The following PAGE2B variants were observed in gnomAD, a reference collection of about 807,000 sequenced individuals.
The protein encoded by PAGE2B is PAGE family member 2B.
In PAGE2B, 5 loss-of-function variants were observed where a neutral mutation model predicts 7.6. The ratio of observed to expected loss-of-function variants is 0.66; its 90% confidence interval spans 0.34 to 1.38. PAGE2B has a LOEUF of 1.38. Ranked by LOEUF, PAGE2B falls within the 40% of genes most tolerant of loss-of-function variation. The pLI, the probability that PAGE2B is intolerant of heterozygous loss-of-function variation, is 0.04. For synonymous variants in PAGE2B, 29 were observed against 26.7 expected (o/e 1.09, Z -0.27); for missense variants, 70 against 78.4 (o/e 0.89, Z 0.41).
At chrX:55,069,879 G>A in the PAGE2B span, among the ~76,000 whole-genome samples, 7 of 111,457 alleles carry the variant, frequency 6.3e-5, no homozygotes, top group African/African-American at 6.5e-5. Context: ...CTGTGGGATC[G>A]GTGGTGATAT....
chrX:55,074,825 G>A (rs1334007394), upstream of PAGE2B, among the ~76,000 whole-genome samples: 6 of 112,392 alleles, frequency 5.3e-5, no homozygotes, highest in African/African-American at 1.6e-4. Context: ...GTGGGCGGGG[G>A]AAAAAGAAAA....
chrX:55,055,990 G>C, the PAGE2B span, among the ~76,000 whole-genome samples: 1 of 111,159 alleles, frequency 9.0e-6, no homozygotes, highest in Non-Finnish European at 1.9e-5. Flanking sequence ...AGTGATGTTA[G>C]CTGATGTGGA....
the PAGE2B span, among the ~76,000 whole-genome samples, chrX:55,042,653 CAAAAAAAAAAAAAAAAAAAAAAAAA>C: frequency 4.2e-4 from 5 of 11,857 alleles, no homozygotes. Flanking sequence ...GACTCCGTCT[CAAAAAAAAAAAAAAAAAAAAAAAAA>C]AAAAAAAAAG....
At chrX:55,075,671 G>C (rs1435439874) in intron 1 of PAGE2B, among the ~76,000 whole-genome samples, 5 of 111,603 alleles carry the variant, frequency 4.5e-5, no homozygotes. Context: ...AGAGGTGTGG[G>C]GGTGAAATGG....
chrX:55,057,810 A>G, the PAGE2B span, among the ~76,000 whole-genome samples: 27 of 112,049 alleles, frequency 2.4e-4, no homozygotes, highest in East Asian at 6.2e-3. Context: ...AAATGCAATT[A>G]GAATACATCA....
At chrX:55,047,487 C>T in the PAGE2B span, among the ~76,000 whole-genome samples, 7 of 111,494 alleles carry the variant, frequency 6.3e-5, no homozygotes, top group South Asian at 3.7e-4. Flanking sequence ...CCTGAGGAAT[C>T]GCCACACTGA....
the PAGE2B span, among the ~76,000 whole-genome samples, chrX:55,068,435 A>C: frequency 9.0e-6 from 1 of 111,355 alleles, no homozygotes; most frequent in African/African-American, 3.3e-5. Flanking sequence ...TGTTTTTGTT[A>C]CTGTACCTTG....
At chrX:55,032,924 T>C in the PAGE2B span, among the ~76,000 whole-genome samples, 1 of 111,910 alleles carries the variant, frequency 8.9e-6, no homozygotes, top group East Asian at 2.8e-4. Context: ...TTTAGCTGGC[T>C]AACCATTTGT....
the PAGE2B span, among the ~76,000 whole-genome samples, chrX:55,067,865 T>G: frequency 8.9e-6 from 1 of 112,661 alleles, no homozygotes; most frequent in Non-Finnish European, 1.9e-5. Flanking sequence ...GAGAAGTGTC[T>G]GATCATATCC....
At chrX:55,038,597 T>G in the PAGE2B span, among the ~76,000 whole-genome samples, 4 of 111,920 alleles carry the variant, frequency 3.6e-5, no homozygotes, top group African/African-American at 1.3e-4. Context: ...TTTAGCTGTC[T>G]CTTACTTTCA....
At chrX:55,064,481 A>T in the PAGE2B span, among the ~76,000 whole-genome samples, 1 of 110,681 alleles carries the variant, frequency 9.0e-6, no homozygotes, top group Admixed American at 9.6e-5. Context: ...CATTTTGTTT[A>T]TCTCTTCAAA....
chrX:55,052,431 C>T, the PAGE2B span, among the ~76,000 whole-genome samples: 5 of 112,684 alleles, frequency 4.4e-5, no homozygotes, highest in Admixed American at 4.7e-4. Context: ...GGCAGGCAGG[C>T]CTTCTTGAGC....
At chrX:55,071,514 A>C (rs758137482), upstream of PAGE2B, among the ~76,000 whole-genome samples, 1 of 111,111 alleles carries the variant, frequency 9.0e-6, no homozygotes, top group Non-Finnish European at 1.9e-5. Context: ...GGTGAATCTG[A>C]CCATTGTGTG....
At chrX:55,071,395 A>C (rs1033657849), upstream of PAGE2B, among the ~76,000 whole-genome samples, 1 of 111,777 alleles carries the variant, frequency 8.9e-6, no homozygotes, top group East Asian at 2.8e-4. Context: ...CTTCTGGCTT[A>C]TAGGGTTTCT....
At chrX:55,071,654 G>T (rs755879449), upstream of PAGE2B, among the ~76,000 whole-genome samples, 3 of 111,944 alleles carry the variant, frequency 2.7e-5, no homozygotes, top group Non-Finnish European at 5.6e-5. Flanking sequence ...TTTCCAACAT[G>T]ATTCCATTCT....
upstream of PAGE2B, among the ~76,000 whole-genome samples, chrX:55,071,640 G>A (rs755418836): frequency 8.9e-6 from 1 of 112,056 alleles, no homozygotes; most frequent in South Asian, 3.7e-4. Context: ...ATCCTGAAGA[G>A]TGTTTTCCAA....
chrX:55,036,140 A>C, the PAGE2B span, among the ~76,000 whole-genome samples: 1 of 112,077 alleles, frequency 8.9e-6, no homozygotes. Context: ...TGATTTTTAC[A>C]CATTGCTTTT....
chrX:55,047,882 T>G, the PAGE2B span, among the ~76,000 whole-genome samples: 1 of 112,205 alleles, frequency 8.9e-6, no homozygotes, highest in African/African-American at 3.2e-5. Flanking sequence ...AGACATGAAG[T>G]CCTTGCCCAA....
the PAGE2B span, among the ~76,000 whole-genome samples, chrX:55,046,198 C>G: frequency 9.0e-6 from 1 of 111,583 alleles, no homozygotes; most frequent in Non-Finnish European, 1.9e-5. Flanking sequence ...ACTGCAACCT[C>G]CACTTCCCGG....
Sources: allele counts gnomAD v4.1 joint callset (sites outside exome capture counted in the v4.1 genomes callset), GRCh38; gene constraint gnomAD v4.1.1; transcripts MANE v1.5; gene names NCBI Gene and HGNC (gene_info 2026-07-23, HGNC 2026-07-21).